LRPPRC: variants seen among roughly 807,000 people sequenced by gnomAD.
LRPPRC encodes leucine rich pentatricopeptide repeat containing.
In LRPPRC, 120 loss-of-function variants were observed where a neutral mutation model predicts 180.3. That is an observed-to-expected ratio of 0.67 (90% confidence interval 0.57 to 0.77). The LOEUF is 0.77. LRPPRC is among the 30% of genes least tolerant of loss of function. The probability of loss-of-function intolerance (pLI) is 0.00; values close to 1 mark genes in which losing one functional copy is unlikely to be tolerated. For missense variants in LRPPRC, 2,012 were observed against 1,657.2 expected, an observed-to-expected ratio of 1.21 and a Z score of -3.72; for synonymous variants, 723 against 600.0, an observed-to-expected ratio of 1.21 and a Z score of -3.00.
intron 30 of LRPPRC, among the ~76,000 whole-genome samples, chr2:43,910,862 C>T (rs983296730): frequency 8.6e-5 from 13 of 151,970 alleles, no homozygotes; most frequent in African/African-American, 3.1e-4. Context: ...TTTCAGGAAG[C>T]ATTTCAGAGG....
intron 3 of LRPPRC, among the ~76,000 whole-genome samples, chr2:43,977,730 T>A (rs1171167478): frequency 2.0e-5 from 3 of 152,148 alleles, no homozygotes; most frequent in Non-Finnish European, 2.9e-5. Context: ...TGCATTCCAT[T>A]TTCAGCTGAT....
intron 29 of LRPPRC, among the ~76,000 whole-genome samples, chr2:43,916,556 A>G (rs551361142): frequency 1.1e-4 from 17 of 152,358 alleles, no homozygotes; most frequent in African/African-American, 4.1e-4. Flanking sequence ...CAAGTAAGTT[A>G]TAATATGTGC....
At chr2:43,986,498 G>T (rs1225211479) in intron 1 of LRPPRC, among the ~76,000 whole-genome samples, 3 of 152,122 alleles carry the variant, frequency 2.0e-5, no homozygotes, top group Non-Finnish European at 4.4e-5. Context: ...TCAGTTTAGT[G>T]TCACTTTAGA....
chr2:43,931,330 A>G (rs1355136288), intron 25 of LRPPRC, among the ~76,000 whole-genome samples: 3 of 152,192 alleles, frequency 2.0e-5, no homozygotes, highest in African/African-American at 7.2e-5. Flanking sequence ...CAGAAGAGAC[A>G]GAAGGGTTGA....
chr2:43,977,325 A>G (rs200033660), intron 3 of LRPPRC, 49 bp from the exon 4 acceptor site: 167 of 1,489,488 alleles, frequency 1.1e-4, no homozygotes, highest in Non-Finnish European at 6.9e-5. Flanking sequence ...TGAAAATCCT[A>G]TGCTTTAAAG....
chr2:43,962,492 G>T (rs997287664), intron 12 of LRPPRC, among the ~76,000 whole-genome samples: 1 of 152,206 alleles, frequency 6.6e-6, no homozygotes, highest in African/African-American at 2.4e-5. Flanking sequence ...TCCTTATTAG[G>T]TATTAGGTGC....
chr2:43,969,158 A>G (rs1572560006), intron 11 of LRPPRC, among the ~76,000 whole-genome samples: 1 of 152,340 alleles, frequency 6.6e-6, no homozygotes, highest in East Asian at 1.9e-4. Flanking sequence ...CACGCCTGTA[A>G]TCCCAGCACT....
At chr2:43,909,351 AACCCTGGTG>A (rs758685197) in intron 30 of LRPPRC, among the ~76,000 whole-genome samples, 23,946 of 151,976 alleles carry the variant, frequency 0.16, 2,027 homozygotes, top group Middle Eastern at 0.21. Context: ...ACTCCCAAAT[AACCCTGGTG>A]GATAACACAG....
At chr2:43,943,404 C>A (rs1672556020) in intron 23 of LRPPRC, among the ~76,000 whole-genome samples, 1 of 152,110 alleles carries the variant, frequency 6.6e-6, no homozygotes, top group African/African-American at 2.4e-5. Context: ...TTATTAATAA[C>A]ACTTATCAGG....
At chr2:43,949,775 T>C in intron 15 of LRPPRC, 116 bp from the exon 16 acceptor site, 2 of 742,592 alleles carry the variant, frequency 2.7e-6, no homozygotes. Context: ...CTATTCTATT[T>C]CACAGTAATT....
chr2:43,944,522 T>C (rs996719842), intron 22 of LRPPRC, among the ~76,000 whole-genome samples: 1 of 152,094 alleles, frequency 6.6e-6, no homozygotes, highest in Non-Finnish European at 1.5e-5. Context: ...TTACAAAAAG[T>C]GATTTTAAAA....
chr2:43,889,701 G>C (rs971650771), intron 37 of LRPPRC, 33 bp downstream of exon 37: 3 of 1,529,424 alleles, frequency 2.0e-6, no homozygotes, highest in Non-Finnish European at 9.1e-7. Flanking sequence ...AATCTGCAGA[G>C]GTATTTTTTC....
intron 11 of LRPPRC, among the ~76,000 whole-genome samples, chr2:43,971,509 A>G (rs868660445): frequency 6.7e-6 from 1 of 148,262 alleles, no homozygotes. Context: ...AAAAAAGAAA[A>G]AAATATATAT....
At chr2:43,952,320 G>C (rs1001002338) in intron 14 of LRPPRC, among the ~76,000 whole-genome samples, 9 of 152,046 alleles carry the variant, frequency 5.9e-5, no homozygotes, top group Non-Finnish European at 1.2e-4. Context: ...ATGACTAAAA[G>C]CACTACCTTG....
intron 11 of LRPPRC, among the ~76,000 whole-genome samples, chr2:43,972,189 G>C (rs902980973): frequency 1.3e-5 from 2 of 152,178 alleles, no homozygotes; most frequent in Non-Finnish European, 2.9e-5. Flanking sequence ...TGGAAGCTAA[G>C]GTCAGTCACT....
chr2:43,907,110 A>G (rs186359449), intron 30 of LRPPRC, among the ~76,000 whole-genome samples: 13 of 152,306 alleles, frequency 8.5e-5, no homozygotes, highest in Admixed American at 8.5e-4. Flanking sequence ...ATTCATTAAA[A>G]CCACAAGGCA....
intron 1 of LRPPRC, among the ~76,000 whole-genome samples, chr2:43,986,072 CT>C (rs1422820173): frequency 6.6e-6 from 1 of 152,104 alleles, no homozygotes; most frequent in Admixed American, 6.6e-5. Context: ...TGTTGAACAT[CT>C]TTTCGTATGC....
intron 29 of LRPPRC, among the ~76,000 whole-genome samples, chr2:43,913,487 A>T (rs1477497759): frequency 6.6e-6 from 1 of 152,230 alleles, no homozygotes; most frequent in Non-Finnish European, 1.5e-5. Context: ...AAGCTACTTT[A>T]GAAGTTTCTG....
At chr2:43,944,072 G>A (rs1054515473) in intron 22 of LRPPRC, among the ~76,000 whole-genome samples, 178 bp from the exon 23 acceptor site, 4 of 152,034 alleles carry the variant, frequency 2.6e-5, no homozygotes, top group African/African-American at 9.7e-5. Context: ...CAATAGCATG[G>A]TTTTATCATT....
Sources: gnomAD v4.1 joint callset for allele counts (sites outside exome capture counted in the v4.1 genomes callset) on GRCh38, gnomAD v4.1.1 for gene constraint, MANE v1.5 for transcripts, NCBI Gene and HGNC (gene_info 2026-07-23, HGNC 2026-07-21) for gene names.